UTP6: variants seen among roughly 807,000 people sequenced by gnomAD.
The protein encoded by UTP6 is U3 small nucleolar RNA-associated protein 6 homolog.
Under a neutral mutation model 96.5 loss-of-function variants are expected in UTP6, and 60 were observed. The ratio of observed to expected loss-of-function variants is 0.62; its 90% CI spans 0.51 to 0.77. UTP6 has a LOEUF of 0.77. Among genes scored for constraint, UTP6 ranks in the 30% least tolerant of loss-of-function variants. The pLI is 0.00. For synonymous variants in UTP6, 215 were observed against 240.1 expected, an observed-to-expected ratio of 0.90 and a Z score of 0.96; for missense variants, 637 against 706.5, an observed-to-expected ratio of 0.90 and a Z score of 1.12.
chr17:31,890,824 T>C (rs1432018106), intron 6 of UTP6, among the ~76,000 whole-genome samples: 1 of 144,706 alleles, frequency 6.9e-6, no homozygotes, highest in South Asian at 2.2e-4. Flanking sequence ...CCATCTCTAC[T>C]AAAAATACAA....
At chr17:31,865,218 G>C (rs1028920124) in intron 18 of UTP6, 148 bp downstream of exon 18, 10 of 652,050 alleles carry the variant, frequency 1.5e-5, no homozygotes, top group Non-Finnish European at 2.1e-5. Context: ...TCACCATATT[G>C]GCCAGGCTGG....
chr17:31,890,911 C>T (rs528586948), intron 6 of UTP6, among the ~76,000 whole-genome samples: 35 of 149,372 alleles, frequency 2.3e-4, no homozygotes, highest in Non-Finnish European at 3.0e-4. Context: ...CACTTGAACC[C>T]AGGAGACAGA....
At chr17:31,868,742 AG>A (rs1230450604) in intron 16 of UTP6, among the ~76,000 whole-genome samples, 2 of 152,180 alleles carry the variant, frequency 1.3e-5, no homozygotes, top group Non-Finnish European at 2.9e-5. Context: ...ATATATTCTA[AG>A]GAAATGATTT....
intron 6 of UTP6, chr17:31,892,029 A>G: frequency 1.9e-6 from 1 of 514,978 alleles, no homozygotes; most frequent in Non-Finnish European, 3.5e-6. Context: ...TCTCAAAAAA[A>G]AAAGAAATAC....
rs372297963 is a variant in UTP6, at chr17:31,873,524, G to A, written c.1387-37C>T. The A allele has an allele frequency of 4.2e-5, 68 of 1,609,182 alleles. 1 individual carries two copies. The African/African-American group carries it at 7.6e-4, about 18-fold the overall frequency. ...AAGAAAAAAGAAAGAAGCTATGTGA[G>A]AAAACTTATAGATACCAAAACAGAT... On this transcript the variant is annotated intron_variant, in intron 15 of 18. Coordinates refer to ENST00000261708, the MANE Select transcript of UTP6 (RefSeq NM_018428.3).
At chr17:31,883,879 G>A (rs1910984660) in intron 10 of UTP6, among the ~76,000 whole-genome samples, 1 of 66,264 alleles carries the variant, frequency 1.5e-5, no homozygotes. Context: ...GTGTTGCCTA[G>A]GGTGGTCTCA....
chr17:31,890,432 A>G (rs1036818012), intron 6 of UTP6, among the ~76,000 whole-genome samples: 1 of 151,534 alleles, frequency 6.6e-6, no homozygotes, highest in African/African-American at 2.4e-5. Flanking sequence ...CCTGGCCAAC[A>G]TGGTGAATCC....
intron 16 of UTP6, among the ~76,000 whole-genome samples, chr17:31,872,250 T>A (rs1910216780): frequency 6.6e-6 from 1 of 151,996 alleles, no homozygotes; most frequent in South Asian, 2.1e-4. Flanking sequence ...TATACTATAA[T>A]CTCAACTACA....
chr17:31,873,254 A>T, intron 16 of UTP6, 124 bp downstream of exon 16: 1 of 824,110 alleles, frequency 1.2e-6, no homozygotes, highest in South Asian at 1.8e-5. Context: ...ACTCCATCTT[A>T]AAAAAAAAGA....
intron 1 of UTP6, among the ~76,000 whole-genome samples, chr17:31,900,221 TAATC>T (rs2142330781): frequency 6.6e-6 from 1 of 152,328 alleles, no homozygotes; most frequent in African/African-American, 2.4e-5. Flanking sequence ...AAAATCATCT[TAATC>T]AACTCCCAAA....
chr17:31,884,502 G>A lies in UTP6; in HGVS notation c.707C>T (p.Ala236Val). 6.2e-7 allele frequency: 1 copy of A among 1,609,924 alleles called. No homozygotes were observed. Among genetic ancestry groups the A allele is most frequent in the Non-Finnish European group, 8.5e-7 (1 of 1,178,356 alleles). Residue 236 changes from alanine (A) to valine (V), a missense_variant, in exon 10 of 19, where the codon GCA (alanine) becomes GTA (valine). By Grantham distance (64) the Ala-to-Val change is moderately conservative. Coordinates refer to ENST00000261708, the MANE Select transcript of UTP6 (RefSeq NM_018428.3). ...YKNSVSIIKG[A>V]EFHVSLLSIA... The stretch of plus-strand genomic sequence containing the variant: ...CGAAAGCAGTGACACGTGAAATTCT[G>A]CACCTAAATTTAAAAAGCAGGGGAG...
chr17:31,869,474 T>C (rs1372156272), intron 16 of UTP6, among the ~76,000 whole-genome samples: 1 of 151,808 alleles, frequency 6.6e-6, no homozygotes, highest in Non-Finnish European at 1.5e-5. Context: ...CCACCACGCC[T>C]GGCCTCTTTA....
intron 11 of UTP6, 144 bp downstream of exon 11, chr17:31,880,429 A>AT: frequency 1.1e-6 from 1 of 943,568 alleles, no homozygotes; most frequent in Non-Finnish European, 1.5e-6. Flanking sequence ...TCCCAATAAA[A>AT]AAAAAAAAAA....
chr17:31,891,651 A>T (rs865810473), intron 6 of UTP6, among the ~76,000 whole-genome samples: 2 of 152,208 alleles, frequency 1.3e-5, no homozygotes, highest in Non-Finnish European at 2.9e-5. Context: ...TAAGCTTCTA[A>T]AATTCCTCAG....
intron 8 of UTP6, among the ~76,000 whole-genome samples, 166 bp from the exon 9 acceptor site, chr17:31,886,227 A>T (rs543046110): frequency 3.4e-4 from 51 of 152,218 alleles, no homozygotes; most frequent in Non-Finnish European, 6.8e-4. Flanking sequence ...CTTGAACAAG[A>T]TCACTGACCT....
intron 9 of UTP6, 98 bp from the exon 10 acceptor site, chr17:31,884,603 G>GT: frequency 1.1e-6 from 1 of 936,184 alleles, no homozygotes; most frequent in Non-Finnish European, 1.6e-6. Context: ...TAATCTTCTT[G>GT]TTTTTTGAAA....
intron 9 of UTP6, 123 bp downstream of exon 9, chr17:31,885,855 CAG>C (rs1424732683): frequency 2.7e-6 from 2 of 742,368 alleles, no homozygotes; most frequent in Non-Finnish European, 4.4e-6. Flanking sequence ...CTGAAAGAAA[CAG>C]GACACTATTC....
chr17:31,883,070 A>G (rs185813625), intron 10 of UTP6, among the ~76,000 whole-genome samples: 289 of 152,298 alleles, frequency 1.9e-3, no homozygotes, highest in African/African-American at 6.3e-3. Context: ...GTAATGGCTC[A>G]CACCTGTAAT....
intron 9 of UTP6, 109 bp downstream of exon 9, chr17:31,885,871 C>T (rs1911113172): frequency 1.1e-6 from 1 of 886,532 alleles, no homozygotes; most frequent in Admixed American, 2.5e-5. Flanking sequence ...ACTATTCCTA[C>T]AGAGTTTTAT....
Sources: allele counts gnomAD v4.1 joint callset (sites outside exome capture counted in the v4.1 genomes callset), GRCh38; gene constraint gnomAD v4.1.1; transcripts MANE v1.5; gene names NCBI Gene and HGNC (gene_info 2026-07-23, HGNC 2026-07-21).